Variants in PTPN2 observed in about 807,000 individuals in gnomAD.
PTPN2 encodes the protein protein tyrosine phosphatase non-receptor type 2.
PTPN2 carries 19 observed loss-of-function variants against 57.3 expected under a neutral mutation model. The ratio of observed to expected loss-of-function variants is 0.33; its 90% CI spans 0.23 to 0.49. The LOEUF (loss-of-function observed/expected upper bound fraction) is 0.49, where lower values mean the gene tolerates loss of function less well. Ranked by LOEUF, PTPN2 falls within the 20% of genes least tolerant of loss-of-function variation. The probability of loss-of-function intolerance (pLI) is 0.99; values close to 1 mark genes in which losing one functional copy is unlikely to be tolerated. For synonymous variants in PTPN2, 153 were observed against 164.9 expected (o/e 0.93, Z 0.55); for missense variants, 358 against 501.1 (o/e 0.71, Z 2.73).
chr18:12,828,376 A>G (rs1450026362), intron 4 of PTPN2, among the ~76,000 whole-genome samples: 1 of 152,230 alleles, frequency 6.6e-6, no homozygotes, highest in Non-Finnish European at 1.5e-5. Context: ...TGTAAGGGAG[A>G]GACTACAGTT....
Position 12,859,246 on chromosome 18 carries a change from T to C in PTPN2, c.78A>G (p.Arg26=). 9 of 1,608,330 alleles carry C rather than the reference T, an allele frequency of 5.6e-6. No individual in the cohort carries two copies. Among genetic ancestry groups the C allele is most frequent in the Non-Finnish European group, 7.6e-6 (9 of 1,176,608 alleles). Residue 26 remains arginine, a synonymous_variant, in exon 2 of 9, where the codon CGA becomes CGG. Transcript: ENST00000309660. The stretch of plus-strand genomic sequence containing the variant: ...TATGAGGATAGTCATGGGACTCATT[T>C]CGAATTTCCTTAAAATAACAAAAAT... The part of the protein sequence containing the change: ...RRWQPLYLEI[R]NESHDYPHRV...
chr18:12,822,620 G>T (rs1486738805), intron 5 of PTPN2, among the ~76,000 whole-genome samples: 1 of 152,138 alleles, frequency 6.6e-6, no homozygotes, highest in Non-Finnish European at 1.5e-5. Flanking sequence ...CTTTGGACTT[G>T]TTAATAGATA....
intron 3 of PTPN2, among the ~76,000 whole-genome samples, chr18:12,834,827 A>G (rs1252592998): frequency 6.6e-6 from 1 of 152,162 alleles, no homozygotes; most frequent in Non-Finnish European, 1.5e-5. Flanking sequence ...ACAGAGGGAG[A>G]AAGGGTTGTG....
intron 1 of PTPN2, among the ~76,000 whole-genome samples, chr18:12,874,676 G>A (rs1285615697): frequency 6.7e-6 from 1 of 150,276 alleles, no homozygotes; most frequent in Non-Finnish European, 1.5e-5. Flanking sequence ...CCGTCCGGGA[G>A]GGAGGTGGGG....
At chr18:12,856,028 T>C (rs187621097) in intron 2 of PTPN2, among the ~76,000 whole-genome samples, 3 of 152,292 alleles carry the variant, frequency 2.0e-5, no homozygotes, top group African/African-American at 7.2e-5. Flanking sequence ...TGACAGAAAG[T>C]AGCCCTCAAG....
chr18:12,874,653 C>T (rs1359299795), intron 1 of PTPN2, among the ~76,000 whole-genome samples: 36 of 147,466 alleles, frequency 2.4e-4, no homozygotes, highest in Non-Finnish European at 4.5e-4. Context: ...AGCCCCCCGC[C>T]CGGCCAGCCG....
In PTPN2 at chr18:12,794,340, A is replaced by T; in HGVS notation, c.1186T>A (p.Ser396Thr). Residue 396 changes from serine (S) to threonine (T), a missense_variant, in exon 9 of 9, where the codon TCA becomes ACA. By Grantham distance (58) the Ser-to-Thr change is moderately conservative. Coordinates refer to ENST00000309660, the MANE Select transcript of PTPN2 (RefSeq NM_002828.4). ...QPILTKMGFM[S>T]VILVGAFVGW... ...ACAAAAGCGCCAACCAAAATGACTG[A>T]CATAAACCCCATCTTAGTGAGAATA... The T allele has an allele frequency of 6.2e-7, 1 of 1,614,236 alleles. No individual in the cohort carries two copies. Among genetic ancestry groups the T allele is most frequent in the East Asian group, 2.2e-5 (1 of 44,892 alleles).
chr18:12,792,341 G>A lies in PTPN2; in HGVS notation c.*1937C>T, dbSNP rs2041007905. 2 of 633,870 alleles carry A rather than the reference G, an allele frequency of 3.2e-6. No individual in the cohort carries two copies. Among genetic ancestry groups the A allele is most frequent in the Non-Finnish European group, 3.9e-6 (2 of 513,120 alleles). 39.3% of individuals were successfully genotyped at this position (633,870 alleles called of 1,614,324 possible). A position where few individuals can be genotyped will look rare whatever the true frequency, so the allele number is the denominator to read the frequency against. Reference sequence around the variant, plus strand: ...CTCTGTTGCCAGGCTGGAGTGCAGTGGTGCAATCTCGGCTCACTGCAACCT... The same window carrying A: ...CTCTGTTGCCAGGCTGGAGTGCAGTAGTGCAATCTCGGCTCACTGCAACCT... On this transcript the variant is annotated 3_prime_UTR_variant, in exon 9 of 9. Transcript: ENST00000309660.
chr18:12,870,321 G>A lies in PTPN2; in HGVS notation c.70-11067C>T, dbSNP rs915050624. 1.9e-3 allele frequency among the ~76,000 whole-genome samples: 77 copies of A among 40,960 alleles called. 6 individuals are homozygous for A. Among genetic ancestry groups the A allele is most frequent in the East Asian group, 0.011 (9 of 814 alleles). 26.9% of individuals were successfully genotyped at this position (40,960 alleles called of 152,430 possible). A position where few individuals can be genotyped will look rare whatever the true frequency, so the allele number is the denominator to read the frequency against. On this transcript the variant is annotated intron_variant, in intron 1 of 8. Coordinates refer to ENST00000309660, the MANE Select transcript of PTPN2 (RefSeq NM_002828.4). The stretch of plus-strand genomic sequence containing the variant: ...TATGTGTATATATACATATATATGT[G>A]TATATATATGTATATATATACATAT...
chr18:12,826,379 G>A (rs2042459964), intron 4 of PTPN2, among the ~76,000 whole-genome samples: 1 of 152,114 alleles, frequency 6.6e-6, no homozygotes, highest in Non-Finnish European at 1.5e-5. Context: ...CTCCAGTCTG[G>A]GTGACAGAGC....
At chr18:12,859,063 C>T (rs2043697545) in intron 2 of PTPN2, 101 bp downstream of exon 2, 1 of 725,288 alleles carries the variant, frequency 1.4e-6, no homozygotes, top group African/African-American at 1.8e-5. Context: ...AAAAAAATTA[C>T]TGTATTTATC....
chr18:12,838,214 G>A (rs755833314), intron 2 of PTPN2, among the ~76,000 whole-genome samples: 1 of 152,100 alleles, frequency 6.6e-6, no homozygotes, highest in Admixed American at 6.5e-5. Flanking sequence ...TGTAATCACA[G>A]AAAGAACACT....
intron 2 of PTPN2, among the ~76,000 whole-genome samples, chr18:12,856,582 A>G (rs2043596771): frequency 6.6e-6 from 1 of 152,182 alleles, no homozygotes; most frequent in South Asian, 2.1e-4. Flanking sequence ...GGTCCCAATG[A>G]TGATGGAGGG....
In PTPN2 at chr18:12,844,548, T is replaced by C. The variant is rs73404465; in HGVS notation, c.161-7657A>G. On this transcript the variant is annotated intron_variant, in intron 2 of 8. Coordinates refer to ENST00000309660, the MANE Select transcript of PTPN2 (RefSeq NM_002828.4). ...GCTAATGAAGTTTTTTATATGTTCATAGGCTTATCTGCCATCTGTGTCATA... is the reference window on the plus strand; with the variant it reads ...GCTAATGAAGTTTTTTATATGTTCACAGGCTTATCTGCCATCTGTGTCATA... Among the ~76,000 whole-genome samples, 1,082 of 152,346 alleles carry C rather than the reference T, an allele frequency of 7.1e-3. 19 individuals are homozygous for C. The highest frequency in any genetic ancestry group is 0.025 in the African/African-American group (1,052 of 41,576).
intron 4 of PTPN2, among the ~76,000 whole-genome samples, chr18:12,828,207 T>C (rs1260360175): frequency 2.0e-5 from 3 of 152,148 alleles, no homozygotes; most frequent in Admixed American, 2.0e-4. Flanking sequence ...AGATGAACCA[T>C]CACTGACATG....
Position 12,870,286 on chromosome 18 carries a change from TATAC to T in PTPN2, c.70-11036_70-11033del, listed in dbSNP as rs1332083819. ...ATATATATATATGTATATATATACA[TATAC>T]ATATATATGTGTATATATACATATA... is the stretch of plus-strand genomic sequence containing the variant. On this transcript the variant is annotated intron_variant, in intron 1 of 8. Coordinates refer to ENST00000309660, the MANE Select transcript of PTPN2 (RefSeq NM_002828.4). Among the ~76,000 whole-genome samples, 31 of 67,390 alleles carry T rather than the reference TATAC, an allele frequency of 4.6e-4. 2 individuals are homozygous for T. Among genetic ancestry groups the T allele is most frequent in the East Asian group, 2.9e-3 (4 of 1,380 alleles). 44.2% of individuals were successfully genotyped at this position (67,390 alleles called of 152,430 possible).
At chr18:12,863,076 G>A (rs2043869163) in intron 1 of PTPN2, 2 of 152,134 alleles carry the variant, frequency 1.3e-5, no homozygotes. Context: ...AAAGCAGACA[G>A]CTGAGCTATT....
intron 8 of PTPN2, among the ~76,000 whole-genome samples, chr18:12,795,581 C>T (rs1251511234): frequency 3.3e-5 from 5 of 152,182 alleles, no homozygotes; most frequent in Non-Finnish European, 4.4e-5. Context: ...AGGCATGAGC[C>T]ACTGTGTCCG....
chr18:12,785,935 A>G (rs1439946464), intron 9 of PTPN2: 1 of 1,132,756 alleles, frequency 8.8e-7, no homozygotes, highest in Non-Finnish European at 1.3e-6. Flanking sequence ...AAGGACTAAC[A>G]ATGAACTGAA....
Sources: allele counts gnomAD v4.1 joint callset (sites outside exome capture counted in the v4.1 genomes callset), GRCh38; gene constraint gnomAD v4.1.1; transcripts MANE v1.5; gene names NCBI Gene and HGNC (gene_info 2026-07-23, HGNC 2026-07-21).